CPLANE1: variants seen among roughly 807,000 people sequenced by gnomAD.
CPLANE1 encodes the protein ciliogenesis and planar polarity effector 1.
Under a neutral mutation model 362.5 loss-of-function variants are expected in CPLANE1, and 263 were observed. That is an observed-to-expected ratio of 0.73 (90% CI 0.66 to 0.80). CPLANE1 has a LOEUF of 0.80. Among genes scored for constraint, CPLANE1 ranks in the 30% least tolerant of loss-of-function variants. The probability of loss-of-function intolerance (pLI) is 0.00; values close to 1 mark genes in which losing one functional copy is unlikely to be tolerated. For missense variants in CPLANE1, 3,461 were observed against 3,793.4 expected, an observed-to-expected ratio of 0.91 and a Z score of 2.30; for synonymous variants, 1,212 against 1,302.6, an observed-to-expected ratio of 0.93 and a Z score of 1.50.
the CPLANE1 span, among the ~76,000 whole-genome samples, chr5:37,093,338 C>G: frequency 6.6e-6 from 1 of 152,182 alleles, no homozygotes; most frequent in Non-Finnish European, 1.5e-5. Flanking sequence ...CACTGGCATT[C>G]CAACAGCAAT....
At chr5:37,205,159 A>G in intron 18 of CPLANE1, 156 bp downstream of exon 18, 1 of 526,850 alleles carries the variant, frequency 1.9e-6, no homozygotes, top group Non-Finnish European at 2.8e-6. Flanking sequence ...TCCATCTCAA[A>G]AAATAATAAA....
chr5:37,117,762 G>GCAGGAGCAC (rs1209000579), intron 50 of CPLANE1, among the ~76,000 whole-genome samples: 1 of 152,230 alleles, frequency 6.6e-6, no homozygotes, highest in Non-Finnish European at 1.5e-5. Flanking sequence ...CCCAGGAGTA[G>GCAGGAGCAC]CAGGAGCACC....
At chr5:37,151,747 G>T (rs1773615639) in intron 42 of CPLANE1, among the ~76,000 whole-genome samples, 1 of 151,984 alleles carries the variant, frequency 6.6e-6, no homozygotes, top group Admixed American at 6.6e-5. Flanking sequence ...CTAAATCTGG[G>T]TTTAAAAAAA....
intron 12 of CPLANE1, 49 bp downstream of exon 12, chr5:37,226,254 TA>T: frequency 5.5e-6 from 7 of 1,262,004 alleles, no homozygotes; most frequent in Non-Finnish European, 7.4e-6. Flanking sequence ...TCTAAAAAAG[TA>T]AAAAAAACTA....
Position 37,226,502 on chromosome 5 carries a change from T to C in CPLANE1, c.2093A>G (p.Asn698Ser), listed in dbSNP as rs561814300. The C allele has an allele frequency of 1.9e-6, 3 of 1,549,028 alleles. No individual in the cohort carries two copies. The highest frequency in any genetic ancestry group is 1.2e-5 in the South Asian group (1 of 83,416). ...TTGAAGAATGTATACACCATTTAAA[T>C]TGTCAGCTACCATTTTGAGTAAATA... ...CFYLLKMVAD[N>S]LNGVYILQPE... The change falls in exon 12 of 53, where the codon AAT (asparagine) becomes AGT (serine). Residue 698 changes from asparagine (N) to serine (S), a missense_variant. By Grantham distance (46) the Asn-to-Ser change is conservative. Around this residue, in one of 2 missense-constraint regions of CPLANE1, gnomAD observed 3,380 missense variants for 3,666.1 expected, o/e 0.92. Transcript: ENST00000651892.
chr5:37,142,631 T>A (rs1402948269), intron 43 of CPLANE1, 151 bp from the exon 44 acceptor site: 1 of 462,400 alleles, frequency 2.2e-6, no homozygotes, highest in Admixed American at 4.2e-5. Context: ...ATAATGAATT[T>A]AATAAAAAAT....
intron 16 of CPLANE1, chr5:37,211,038 T>G: frequency 1.2e-6 from 1 of 816,172 alleles, no homozygotes; most frequent in Non-Finnish European, 2.2e-6. Context: ...TGAAGTGTAC[T>G]GCAATCCAAA....
chr5:37,142,213 C>G (rs1769964640), intron 44 of CPLANE1, 97 bp downstream of exon 44: 1 of 1,330,612 alleles, frequency 7.5e-7, no homozygotes, highest in Non-Finnish European at 9.7e-7. Context: ...AAAATGACTT[C>G]ACAAACCTTT....
At chr5:37,230,380 G>A (rs1797478705) in intron 9 of CPLANE1, among the ~76,000 whole-genome samples, 1 of 151,816 alleles carries the variant, frequency 6.6e-6, no homozygotes, top group Admixed American at 6.6e-5. Context: ...AATATCACAT[G>A]TATCCCATAA....
chr5:37,218,067 T>G (rs142277564), intron 15 of CPLANE1, among the ~76,000 whole-genome samples: 1 of 152,246 alleles, frequency 6.6e-6, no homozygotes, highest in Non-Finnish European at 1.5e-5. Context: ...AAGGTAGGTG[T>G]GCAGAAAGGA....
At chr5:37,229,364 C>T (rs1054418955) in intron 9 of CPLANE1, among the ~76,000 whole-genome samples, 1 of 151,704 alleles carries the variant, frequency 6.6e-6, no homozygotes, top group Non-Finnish European at 1.5e-5. Context: ...TCCTGGCCAA[C>T]ATGGTGAAAC....
Position 37,108,377 on chromosome 5 carries a change from T to C in CPLANE1, c.9495A>G (p.Glu3165=). 6.2e-7 allele frequency: 1 copy of C among 1,614,190 alleles called. No homozygotes were observed. The highest frequency in any genetic ancestry group is 8.5e-7 in the Non-Finnish European group (1 of 1,180,012). The stretch of plus-strand genomic sequence containing the variant: ...AGGGACTCACCACAGTCTCCTCTCT[T>C]TCATACTCTACACACACCTGCTTGG... The part of the protein sequence containing the change: ...PQTKQVCVEY[E]REETVVSPWT... The change falls in exon 52 of 53, where the codon GAA becomes GAG. Residue 3165 remains glutamate, a synonymous_variant. Coordinates refer to ENST00000651892, the MANE Select transcript of CPLANE1 (RefSeq NM_001384732.1).
rs1362280522 is a variant in CPLANE1, at chr5:37,107,075, T to C, written c.*527A>G. On this transcript the variant is annotated 3_prime_UTR_variant, in exon 53 of 53. Transcript: ENST00000651892. ...CTCCTGGCCTCCATGAAACTTTGCTTATTTAGAGATTCAGGGTTGGTAAAA... is the reference window on the plus strand; with the variant it reads ...CTCCTGGCCTCCATGAAACTTTGCTCATTTAGAGATTCAGGGTTGGTAAAA... The C allele has an allele frequency of 1.0e-6, 1 of 985,296 alleles. No individual in the cohort carries two copies. The highest frequency in any genetic ancestry group is 1.2e-6 in the Non-Finnish European group (1 of 829,936). 61.0% of individuals were successfully genotyped at this position (985,296 alleles called of 1,614,324 possible).
intron 43 of CPLANE1, 66 bp from the exon 44 acceptor site, chr5:37,142,546 C>A: frequency 9.2e-7 from 1 of 1,090,030 alleles, no homozygotes; most frequent in Non-Finnish European, 1.3e-6. Context: ...ATGGAAAAGA[C>A]AATTGCCACT....
chr5:37,168,957 G>T lies in CPLANE1; in HGVS notation c.7067C>A (p.Ser2356Tyr). ...CAGGTATAGTAACGGAAGTCCAAAG[G>T]AATGGTGAGGAGATATCTCAAGGGT... ...PGTLEISPHHSFGLPLLYLPL... is the reference protein window; with the variant it reads ...PGTLEISPHHYFGLPLLYLPL... Residue 2356 changes from serine (S) to tyrosine (Y), a missense_variant, in exon 34 of 53, where the codon TCC (serine) becomes TAC (tyrosine). Physicochemically the swap from Ser to Tyr is moderately radical, Grantham distance 144. This residue lies in a region of CPLANE1 where 3,380 missense variants were observed against 3,666.1 expected (regional missense o/e 0.92). Coordinates refer to ENST00000651892, the MANE Select transcript of CPLANE1 (RefSeq NM_001384732.1). The T allele has an allele frequency of 1.9e-6, 3 of 1,614,142 alleles. No homozygotes were observed. Among genetic ancestry groups the T allele is most frequent in the Non-Finnish European group, 2.5e-6 (3 of 1,180,016 alleles).
chr5:37,149,536 A>G (rs1772852325), intron 42 of CPLANE1, among the ~76,000 whole-genome samples: 1 of 152,194 alleles, frequency 6.6e-6, no homozygotes. Flanking sequence ...TGCAGAACCC[A>G]TGGATATAGA....
the CPLANE1 span, among the ~76,000 whole-genome samples, chr5:37,078,668 C>T: frequency 5.8e-3 from 880 of 151,776 alleles, 33 homozygotes; most frequent in Admixed American, 0.051. Context: ...CTCCCAGCAA[C>T]AGTGTAAAGG....
Position 37,185,027 on chromosome 5 carries a change from C to T in CPLANE1, c.4242G>A (p.Val1414=). 3 of 1,614,020 alleles carry T rather than the reference C, an allele frequency of 1.9e-6. No homozygotes were observed. Among genetic ancestry groups the T allele is most frequent in the East Asian group, 4.5e-5 (2 of 44,874 alleles). The change falls in exon 25 of 53, where the codon GTG becomes GTA. Residue 1414 remains valine (V), a synonymous_variant. Transcript: ENST00000651892. ...GCACACGTTTTAGAGCTTTCACCCT[C>T]ACTTTCTGGATAGAATGCATGACAA... ...MSVVMHSIQK[V]RVKALKRVQR... is the part of the protein sequence containing the mutation.
chr5:37,179,956 ATAT>A (rs1252508739), intron 28 of CPLANE1, 58 bp downstream of exon 28: 12 of 1,163,690 alleles, frequency 1.0e-5, no homozygotes, highest in South Asian at 1.6e-5. Flanking sequence ...ACCTCAGATA[ATAT>A]TATTTACCAA....
Sources: allele counts gnomAD v4.1 joint callset (sites outside exome capture counted in the v4.1 genomes callset), GRCh38; gene constraint gnomAD v4.1.1; regional missense constraint gnomAD v4.1.1; transcripts MANE v1.5; gene names NCBI Gene and HGNC (gene_info 2026-07-23, HGNC 2026-07-21).